Variants in NPIPB8 observed in about 807,000 individuals in gnomAD.
NPIPB8 encodes nuclear pore complex-interacting protein family member B8.
A neutral mutation model predicts 5.3 loss-of-function variants in NPIPB8; 3 were observed. The observed-to-expected ratio is 0.57, with a 90% CI of 0.26 to 1.47. The LOEUF (loss-of-function observed/expected upper bound fraction) is 1.47, where lower values mean the gene tolerates loss of function less well. Among genes scored for constraint, NPIPB8 ranks in the 40% most tolerant of loss-of-function variants. The pLI is 0.13. For missense variants in NPIPB8, 50 were observed against 50.2 expected, an observed-to-expected ratio of 1.00 and a Z score of 0.01; for synonymous variants, 18 against 23.0, an observed-to-expected ratio of 0.78 and a Z score of 0.62.
At chr16:28,645,273 C>T (rs1194297138) in intron 2 of NPIPB8, among the ~76,000 whole-genome samples, 3 of 101,350 alleles carry the variant, frequency 3.0e-5, no homozygotes, top group African/African-American at 1.1e-4. Context: ...TCGTGATCCG[C>T]CTGCCTCGGC....
intron 5 of NPIPB8, among the ~76,000 whole-genome samples, chr16:28,653,175 T>G (rs17398048): frequency 1.0e-5 from 1 of 99,240 alleles, no homozygotes; most frequent in Non-Finnish European, 2.1e-5. Flanking sequence ...CAGGTTCAAG[T>G]GATTCTTATC....
chr16:28,642,339 T>C lies in NPIPB8; in HGVS notation c.120+3859T>C, dbSNP rs2411436. Among the ~76,000 whole-genome samples the C allele has an allele frequency of 3.3e-5, 5 of 152,022 alleles. No homozygotes were observed. The East Asian group carries it at 7.8e-4, about 24-fold the overall frequency. On this transcript the variant is annotated intron_variant, in intron 2 of 7. Transcript: ENST00000683297. The stretch of plus-strand genomic sequence containing the variant: ...CAGGCTGGTCTCGAACTCCTAACCT[T>C]GTGATCCACCTACCTCAGCCTCCCA...
chr16:28,645,212 G>A (rs1393439734), intron 2 of NPIPB8, among the ~76,000 whole-genome samples: 3 of 125,462 alleles, frequency 2.4e-5, no homozygotes, highest in African/African-American at 5.8e-5. Flanking sequence ...TGTATTTTTA[G>A]TAGAGACGGG....
intron 2 of NPIPB8, among the ~76,000 whole-genome samples, chr16:28,640,666 A>G (rs1458068141): frequency 6.6e-6 from 1 of 152,122 alleles, no homozygotes; most frequent in African/African-American, 2.4e-5. Context: ...TGACAGGAGG[A>G]CTAAGTCACC....
chr16:28,639,457 T>A (rs182319393), intron 2 of NPIPB8, among the ~76,000 whole-genome samples: 7,909 of 84,534 alleles, frequency 0.094, 552 homozygotes, highest in African/African-American at 0.23. Flanking sequence ...ATATATATAT[T>A]TTTTTTTTTT....
rs946971838 is a variant in NPIPB8 at position 28,639,026 on chromosome 16, G to T, written c.120+546G>T. ...GGAGGTTTTAGTGGGCCAAGATCAC[G>T]CCATTGCACTCCAGACTGTGCGACA... On this transcript the variant is annotated intron_variant, in intron 2 of 7. Coordinates refer to ENST00000683297, the MANE Select transcript of NPIPB8 (RefSeq NM_001310136.2). Among the ~76,000 whole-genome samples the T allele has an allele frequency of 2.7e-5, 4 of 148,322 alleles. No homozygotes were observed. The South Asian group carries it at 6.4e-4, about 24-fold the overall frequency.
chr16:28,638,925 C>T (rs1184417242), intron 2 of NPIPB8, among the ~76,000 whole-genome samples: 237 of 149,320 alleles, frequency 1.6e-3, no homozygotes, highest in African/African-American at 5.7e-3. Flanking sequence ...AAAAATTAGC[C>T]GGGCATGGTG....
chr16:28,643,341 G>C (rs1181382556), intron 2 of NPIPB8, among the ~76,000 whole-genome samples: 3 of 131,576 alleles, frequency 2.3e-5, no homozygotes, highest in African/African-American at 8.6e-5. Flanking sequence ...AATTGTCTAG[G>C]TGGGTTAGGG....
intron 2 of NPIPB8, among the ~76,000 whole-genome samples, chr16:28,645,199 T>G (rs1288308763): frequency 7.7e-6 from 1 of 130,412 alleles, no homozygotes; most frequent in East Asian, 2.1e-4. Context: ...CCTGGCTAAT[T>G]TTTGTATTTT....
At chr16:28,651,395 A>G (rs1051862222) in intron 3 of NPIPB8, among the ~76,000 whole-genome samples, 4 of 27,118 alleles carry the variant, frequency 1.5e-4, no homozygotes, top group Non-Finnish European at 2.7e-4. Flanking sequence ...GCTGGGTTCA[A>G]GTGATTCTCC....
intron 2 of NPIPB8, among the ~76,000 whole-genome samples, chr16:28,642,493 T>A (rs985789552): frequency 1.3e-5 from 2 of 150,834 alleles, no homozygotes; most frequent in African/African-American, 2.5e-5. Flanking sequence ...TTGTAGTTGT[T>A]GCTGTTTTTG....
chr16:28,644,961 T>G lies in NPIPB8; in HGVS notation c.121-3174T>G, dbSNP rs1285024524. Among the ~76,000 whole-genome samples the G allele has an allele frequency of 5.8e-5, 6 of 104,280 alleles. No homozygotes were observed. In the South Asian group the frequency reaches 1.5e-3, roughly 26 times the overall value. 68.4% of individuals were successfully genotyped at this position (104,280 alleles called of 152,430 possible). A position where few individuals can be genotyped will look rare whatever the true frequency, so the allele number is the denominator to read the frequency against. The stretch of plus-strand genomic sequence containing the variant: ...TTGCAGTGAGCTGAGATGGCCCCGC[T>G]GCACTCTTGTCTCTAACAAACAAAA... On this transcript the variant is annotated intron_variant, in intron 2 of 7. Transcript: ENST00000683297.
rs1215767667 is a variant in NPIPB8, at chr16:28,639,442, C to CAT, written c.120+963_120+964insTA. Among the ~76,000 whole-genome samples, 43 of 107,604 alleles carry CAT rather than the reference C, an allele frequency of 4.0e-4. 1 individual carries two copies. Among genetic ancestry groups the CAT allele is most frequent in the African/African-American group, 1.6e-3 (36 of 23,114 alleles). The allele number at this position is 107,604 out of a possible 152,430, so 70.6% of individuals were successfully genotyped here. ...ACACACACACAGACACACACACACA[C>CAT]ACATATATATATATTTTTTTTTTTT... On this transcript the variant is annotated intron_variant, in intron 2 of 7. Transcript: ENST00000683297.
chr16:28,647,785 G>GT (rs1279370256), intron 2 of NPIPB8, among the ~76,000 whole-genome samples: 1 of 68,632 alleles, frequency 1.5e-5, no homozygotes, highest in African/African-American at 1.0e-4. Context: ...AAAAAAAAGA[G>GT]TTTTTTTTTA....
In NPIPB8 at chr16:28,638,136, C is replaced by T. The variant is rs982043558; in HGVS notation, c.-53C>T. ...ATGAAACTATTGTTCCTGTTTCACA[C>T]AGAAGAAAACTGAGGTTAAAAGGGG... On this transcript the variant is annotated 5_prime_UTR_variant, in exon 1 of 8. Transcript: ENST00000683297. 51 of 642,876 alleles carry T rather than the reference C, an allele frequency of 7.9e-5. 1 individual carries two copies. In the African/African-American group the frequency reaches 9.1e-4, roughly 11 times the overall value. 39.8% of individuals were successfully genotyped at this position (642,876 alleles called of 1,614,324 possible). A position where few individuals can be genotyped will look rare whatever the true frequency, so the allele number is the denominator to read the frequency against.
At chr16:28,642,813 G>A (rs1858104204) in intron 2 of NPIPB8, among the ~76,000 whole-genome samples, 1 of 151,702 alleles carries the variant, frequency 6.6e-6, no homozygotes, top group Non-Finnish European at 1.5e-5. Flanking sequence ...TTGTTTCTTA[G>A]GGTTGTTTTT....
At chr16:28,642,648 C>T (rs918969630) in intron 2 of NPIPB8, among the ~76,000 whole-genome samples, 12 of 150,670 alleles carry the variant, frequency 8.0e-5, no homozygotes, top group Admixed American at 7.3e-4. Flanking sequence ...CCACACCCGG[C>T]TAATTTTTAT....
At chr16:28,651,212 T>C (rs2048036329) in intron 3 of NPIPB8, among the ~76,000 whole-genome samples, 1 of 31,068 alleles carries the variant, frequency 3.2e-5, no homozygotes, top group South Asian at 1.1e-3. Context: ...CTCCATCTCT[T>C]GACCTTGTGA....
intron 2 of NPIPB8, among the ~76,000 whole-genome samples, chr16:28,639,532 C>G (rs1485022140): frequency 7.4e-6 from 1 of 134,416 alleles, no homozygotes; most frequent in Non-Finnish European, 1.6e-5. Context: ...TCTTGGCTCA[C>G]TGCAACCTCC....
Sources: allele counts gnomAD v4.1 joint callset (sites outside exome capture counted in the v4.1 genomes callset), GRCh38; gene constraint gnomAD v4.1.1; transcripts MANE v1.5; gene names NCBI Gene and HGNC (gene_info 2026-07-23, HGNC 2026-07-21).